The following PSPC1 variants were observed in gnomAD, a reference collection of about 807,000 sequenced individuals.
PSPC1 encodes paraspeckle protein 1.
Under a neutral mutation model 51.6 loss-of-function variants are expected in PSPC1, and 14 were observed. The ratio of observed to expected loss-of-function variants is 0.27; its 90% CI spans 0.18 to 0.42. The LOEUF (loss-of-function observed/expected upper bound fraction) is 0.42, where lower values mean the gene tolerates loss of function less well. PSPC1 is among the 10% of genes least tolerant of loss of function. The pLI, the probability that PSPC1 is intolerant of heterozygous loss-of-function variation, is 1.00. For missense variants in PSPC1, 406 were observed against 701.1 expected (o/e 0.58, Z 4.75); for synonymous variants, 193 against 231.9 (o/e 0.83, Z 1.53).
At position 19,720,373 on chromosome 13, in the gene PSPC1, G is replaced by A. The variant is rs554667069; in HGVS notation, c.1158+9866C>T. 2.2e-4 allele frequency among the ~76,000 whole-genome samples: 33 copies of A among 152,256 alleles called. No individual in the cohort carries two copies. The South Asian group carries it at 5.8e-3, about 27-fold the overall frequency. ...CAAGCAGCAGTTCCAAATTGGTCCC[G>A]TCAACAGAAAAAAGCAGAAAAGAGG... On this transcript the variant is annotated intron_variant, in intron 6 of 8. Transcript: ENST00000338910.
intron 6 of PSPC1, among the ~76,000 whole-genome samples, chr13:19,722,413 T>A (rs6490482): frequency 0.68 from 103,880 of 151,888 alleles, 38,167 homozygotes; most frequent in East Asian, 0.89. Context: ...GGCAGGAGGA[T>A]CACTTAAGCT....
rs1402621671 is a variant in PSPC1, at chr13:19,682,392, G to A, written c.1159-4569C>T. Reference sequence around the variant, plus strand: ...GGTCAATGAGTTTTAACATCAAATGGCAATGAAACCACAGAAGCTAGTTAA... The same window carrying A: ...GGTCAATGAGTTTTAACATCAAATGACAATGAAACCACAGAAGCTAGTTAA... On this transcript the variant is annotated intron_variant and NMD_transcript_variant, in intron 6 of 7. Transcript: ENST00000471658. Among the ~76,000 whole-genome samples the A allele has an allele frequency of 3.3e-5, 5 of 149,984 alleles. No homozygotes were observed. The East Asian group carries it at 9.8e-4, about 30-fold the overall frequency.
chr13:19,722,059 TTC>T lies in PSPC1; in HGVS notation c.1158+8178_1158+8179del, dbSNP rs372672187. ...AACAAGACTTCAAACAGCTACTTAA[TTC>T]TCTCAGTTTACATCTAAGTAACTAT... On this transcript the variant is annotated intron_variant, in intron 6 of 8. Transcript: ENST00000338910. Among the ~76,000 whole-genome samples, 105 of 152,346 alleles carry T rather than the reference TTC, an allele frequency of 6.9e-4. No individual in the cohort carries two copies. The South Asian group carries it at 0.018, about 26-fold the overall frequency.
chr13:19,697,135 C>T (rs956914556), intron 6 of PSPC1, among the ~76,000 whole-genome samples: 1 of 152,120 alleles, frequency 6.6e-6, no homozygotes, highest in South Asian at 2.1e-4. Context: ...TCTTTTGAGG[C>T]ACAATATCTG....
At chr13:19,736,648 A>G (rs1369901244) in intron 5 of PSPC1, among the ~76,000 whole-genome samples, 6 of 152,166 alleles carry the variant, frequency 3.9e-5, no homozygotes, top group Non-Finnish European at 7.3e-5. Context: ...GCGCCACTGC[A>G]CTCCAGCCTG....
chr13:19,772,588 A>T, intron 1 of PSPC1, 45 bp from the exon 2 acceptor site: 1 of 1,533,384 alleles, frequency 6.5e-7, no homozygotes, highest in Middle Eastern at 2.5e-4. Flanking sequence ...CAGTAACAGA[A>T]AAAATTCAAA....
At chr13:19,686,998 A>G (rs549607109) in intron 6 of PSPC1, among the ~76,000 whole-genome samples, 55 of 152,244 alleles carry the variant, frequency 3.6e-4, no homozygotes, top group African/African-American at 1.3e-3. Flanking sequence ...GGAGTTCGAG[A>G]CCAGCCTGGC....
chr13:19,683,879 A>G (rs551153559), intron 6 of PSPC1, among the ~76,000 whole-genome samples: 1 of 152,170 alleles, frequency 6.6e-6, no homozygotes, highest in Non-Finnish European at 1.5e-5. Context: ...CGTTTCCTGT[A>G]AGTTATCAAA....
At chr13:19,677,766 C>A in exon 7 of PSPC1, 2 of 483,280 alleles carry the variant, frequency 4.1e-6, no homozygotes, top group Non-Finnish European at 4.2e-6. Flanking sequence ...CTTAACTCTT[C>A]TGAATTACAC....
chr13:19,706,827 A>G lies in PSPC1; in HGVS notation c.1217-996T>C, dbSNP rs184051361. The stretch of plus-strand genomic sequence containing the variant: ...ATTTCTCAAATATACATTATAATGC[A>G]GCTGAAATCTCTATATGGCTGAGTC... On this transcript the variant is annotated intron_variant, in intron 7 of 8. Coordinates refer to ENST00000338910, the MANE Select transcript of PSPC1 (RefSeq NM_001354909.2). 4.5e-3 allele frequency among the ~76,000 whole-genome samples: 690 copies of G among 152,308 alleles called. 8 individuals carry two copies. The highest frequency in any genetic ancestry group is 0.016 in the African/African-American group (665 of 41,570).
intron 3 of PSPC1, among the ~76,000 whole-genome samples, chr13:19,754,090 CTT>C (rs990810705): frequency 6.8e-6 from 1 of 146,824 alleles, no homozygotes; most frequent in Admixed American, 6.8e-5. Context: ...TTCTTTCTTT[CTT>C]TTTTTTTTCC....
chr13:19,711,639 T>TAAA (rs143917566), intron 6 of PSPC1, among the ~76,000 whole-genome samples: 161 of 80,596 alleles, frequency 2.0e-3, no homozygotes, highest in African/African-American at 6.6e-3. Flanking sequence ...CTCCGTCTCA[T>TAAA]AAAAAAAAAA....
chr13:19,774,544 A>C (rs891365610), intron 1 of PSPC1, among the ~76,000 whole-genome samples: 2 of 152,214 alleles, frequency 1.3e-5, no homozygotes, highest in African/African-American at 2.4e-5. Context: ...TCACACCTGT[A>C]ATCCCAGCAC....
chr13:19,749,183 C>G (rs1886283396), intron 4 of PSPC1, among the ~76,000 whole-genome samples: 1 of 152,070 alleles, frequency 6.6e-6, no homozygotes. Flanking sequence ...CCCATCTCTA[C>G]TAAAAATACA....
chr13:19,769,296 C>T (rs1301580123), intron 2 of PSPC1, among the ~76,000 whole-genome samples: 1 of 151,898 alleles, frequency 6.6e-6, no homozygotes, highest in Non-Finnish European at 1.5e-5. Flanking sequence ...TGGCTCACGC[C>T]TGTAATCCCA....
chr13:19,735,062 A>T (rs1429605286), intron 5 of PSPC1, among the ~76,000 whole-genome samples: 1 of 151,962 alleles, frequency 6.6e-6, no homozygotes, highest in Non-Finnish European at 1.5e-5. Flanking sequence ...TTGTAATCCC[A>T]GCGCTTTGGG....
chr13:19,674,452 C>A (rs1254399751), downstream of PSPC1, among the ~76,000 whole-genome samples: 1 of 152,206 alleles, frequency 6.6e-6, no homozygotes, highest in African/African-American at 2.4e-5. Context: ...TCAGGTGCTA[C>A]TTCTGAGTGA....
At chr13:19,736,223 G>C (rs1322091912) in intron 5 of PSPC1, among the ~76,000 whole-genome samples, 2 of 152,066 alleles carry the variant, frequency 1.3e-5, no homozygotes, top group Non-Finnish European at 2.9e-5. Context: ...AACTAAGATT[G>C]TAACAGATTT....
intron 2 of PSPC1, among the ~76,000 whole-genome samples, chr13:19,769,155 A>T (rs1888370615): frequency 6.6e-6 from 1 of 150,946 alleles, no homozygotes; most frequent in South Asian, 2.1e-4. Flanking sequence ...CAAATTAACA[A>T]AAAATTAATA....
Sources: allele counts gnomAD v4.1 joint callset (sites outside exome capture counted in the v4.1 genomes callset), GRCh38; gene constraint gnomAD v4.1.1; transcripts MANE v1.5; gene names NCBI Gene and HGNC (gene_info 2026-07-23, HGNC 2026-07-21).